ANXA4: variants seen among roughly 807,000 people sequenced by gnomAD.
ANXA4 encodes the protein annexin A4, also known as 35-beta calcimedin.
In ANXA4, 39 loss-of-function variants were observed where a neutral mutation model predicts 49.8. The observed-to-expected ratio is 0.78, with a 90% confidence interval of 0.61 to 1.02. ANXA4 has a LOEUF of 1.02. ANXA4 is among the 50% of genes least tolerant of loss of function. The pLI is 0.00. For synonymous variants in ANXA4, 134 were observed against 152.5 expected, an observed-to-expected ratio of 0.88 and a Z score of 0.89; for missense variants, 360 against 410.1, an observed-to-expected ratio of 0.88 and a Z score of 1.05.
At chr2:69,730,007 A>G (rs986289448) in intron 3 of ANXA4, among the ~76,000 whole-genome samples, 1 of 152,224 alleles carries the variant, frequency 6.6e-6, no homozygotes, top group African/African-American at 2.4e-5. Flanking sequence ...TAACAGAGCT[A>G]GAGACCGTGC....
At chr2:69,792,620 C>A (rs67143676) in intron 3 of ANXA4, among the ~76,000 whole-genome samples, 29,316 of 151,600 alleles carry the variant, frequency 0.19, 3,208 homozygotes, top group East Asian at 0.33. Flanking sequence ...TTTTTTTTTA[C>A]AATTTGCTTA....
chr2:69,706,467 A>G (rs1019660267), intron 2 of ANXA4, among the ~76,000 whole-genome samples: 1 of 151,326 alleles, frequency 6.6e-6, no homozygotes, highest in Non-Finnish European at 1.5e-5. Context: ...TGCCTGGCTA[A>G]TTTTTGTATT....
At chr2:69,771,237 G>T (rs954751610) in intron 1 of ANXA4, among the ~76,000 whole-genome samples, 2 of 152,146 alleles carry the variant, frequency 1.3e-5, no homozygotes, top group African/African-American at 4.8e-5. Context: ...ATGGAACAAG[G>T]GAGTATTAGA....
chr2:69,767,381 G>C (rs1215195843), intron 1 of ANXA4, among the ~76,000 whole-genome samples: 2 of 152,182 alleles, frequency 1.3e-5, no homozygotes, highest in South Asian at 4.1e-4. Flanking sequence ...TCTGAAGCAG[G>C]CTGTACTTTG....
chr2:69,809,324 C>A (rs1673595207), intron 6 of ANXA4: 1 of 152,162 alleles, frequency 6.6e-6, no homozygotes, highest in Admixed American at 6.5e-5. Context: ...AGATTCTAAA[C>A]CTTAGGAGTC....
chr2:69,808,541 A>T (rs1673551319), intron 6 of ANXA4: 1 of 153,798 alleles, frequency 6.5e-6, no homozygotes, highest in South Asian at 2.0e-4. Context: ...TTTATTCAGC[A>T]TTGTCTACAT....
At chr2:69,753,722 T>A (rs1354164181) in intron 1 of ANXA4, among the ~76,000 whole-genome samples, 2 of 151,868 alleles carry the variant, frequency 1.3e-5, no homozygotes, top group Non-Finnish European at 2.9e-5. Context: ...TCAAAGGGGG[T>A]TGCCTTGGAC....
intron 3 of ANXA4, among the ~76,000 whole-genome samples, chr2:69,734,461 A>G (rs969756169): frequency 1.1e-4 from 17 of 152,208 alleles, no homozygotes; most frequent in African/African-American, 4.1e-4. Flanking sequence ...GGAAGTATGC[A>G]CACAACATTT....
intron 12 of ANXA4, among the ~76,000 whole-genome samples, 177 bp downstream of exon 12, chr2:69,820,998 A>T (rs1674225672): frequency 2.0e-5 from 3 of 152,316 alleles, no homozygotes; most frequent in African/African-American, 7.2e-5. Context: ...TTGCCAGGAT[A>T]CAAGCTGGAA....
upstream of ANXA4, among the ~76,000 whole-genome samples, chr2:69,737,382 T>A (rs1021587498): frequency 5.9e-5 from 9 of 152,204 alleles, no homozygotes; most frequent in Non-Finnish European, 7.3e-5. Context: ...ATTATTTAAT[T>A]CATTTCTTCC....
At chr2:69,812,826 T>C (rs991134299) in intron 8 of ANXA4, 117 bp downstream of exon 8, 3 of 866,994 alleles carry the variant, frequency 3.5e-6, no homozygotes, top group Non-Finnish European at 5.4e-6. Flanking sequence ...TTGGATATGT[T>C]CTTTAAAAAT....
intron 1 of ANXA4, among the ~76,000 whole-genome samples, chr2:69,779,008 T>A (rs1164432200): frequency 6.8e-6 from 1 of 146,368 alleles, no homozygotes; most frequent in Admixed American, 7.2e-5. Flanking sequence ...CCAGGGAGGC[T>A]GAGACAGAAG....
At chr2:69,684,790 T>G (rs941612800) in intron 2 of ANXA4, among the ~76,000 whole-genome samples, 2 of 152,150 alleles carry the variant, frequency 1.3e-5, no homozygotes, top group African/African-American at 4.8e-5. Flanking sequence ...TTCAATTCTC[T>G]TCTGCTTCTA....
intron 1 of ANXA4, among the ~76,000 whole-genome samples, chr2:69,772,562 T>A (rs1390578437): frequency 6.6e-6 from 1 of 152,214 alleles, no homozygotes; most frequent in African/African-American, 2.4e-5. Flanking sequence ...TTCTTTCCTC[T>A]TTCTGCTCCC....
chr2:69,703,807 G>C (rs1452438438), intron 2 of ANXA4, among the ~76,000 whole-genome samples: 1 of 151,762 alleles, frequency 6.6e-6, no homozygotes, highest in East Asian at 1.9e-4. Flanking sequence ...AATCAAACTG[G>C]GTTATTTTTT....
chr2:69,756,937 T>A (rs113015768), intron 1 of ANXA4, among the ~76,000 whole-genome samples: 33 of 148,110 alleles, frequency 2.2e-4, no homozygotes, highest in Middle Eastern at 3.7e-3. Flanking sequence ...AATTATTATT[T>A]TTTTTTTTTA....
At chr2:69,764,266 G>T (rs1671416864) in intron 1 of ANXA4, among the ~76,000 whole-genome samples, 1 of 152,182 alleles carries the variant, frequency 6.6e-6, no homozygotes, top group African/African-American at 2.4e-5. Context: ...TTTACCAATG[G>T]TGTTTCTGAA....
chr2:69,751,507 CAAAAA>C (rs71397349), intron 1 of ANXA4, among the ~76,000 whole-genome samples: 5 of 96,844 alleles, frequency 5.2e-5, no homozygotes, highest in African/African-American at 3.7e-5. Flanking sequence ...GACCCTGTCT[CAAAAA>C]AAAAAAAAAA....
intron 2 of ANXA4, among the ~76,000 whole-genome samples, chr2:69,655,269 A>G (rs983981208): frequency 2.0e-5 from 3 of 152,206 alleles, no homozygotes; most frequent in Non-Finnish European, 4.4e-5. Flanking sequence ...AATTTTTGCA[A>G]TCTATCCATC....
Sources: gnomAD v4.1 joint callset for allele counts (sites outside exome capture counted in the v4.1 genomes callset) on GRCh38, gnomAD v4.1.1 for gene constraint, MANE v1.5 for transcripts, NCBI Gene and HGNC (gene_info 2026-07-23, HGNC 2026-07-21) for gene names.